The following TP53INP1 variants were observed in gnomAD, a reference collection of about 807,000 sequenced individuals.
TP53INP1 encodes tumor protein p53-inducible nuclear protein 1.
In TP53INP1, 12 loss-of-function variants were observed where a neutral mutation model predicts 21.0. The observed-to-expected ratio is 0.57, with a 90% CI of 0.37 to 0.93. The LOEUF (loss-of-function observed/expected upper bound fraction) is 0.93, where lower values mean the gene tolerates loss of function less well. Ranked by LOEUF, TP53INP1 falls within the 40% of genes least tolerant of loss-of-function variation. The pLI is 0.01. For synonymous variants in TP53INP1, 91 were observed against 94.8 expected (o/e 0.96, Z 0.23); for missense variants, 274 against 294.7 (o/e 0.93, Z 0.51).
In TP53INP1 at chr8:94,931,616, T is replaced by A. The variant is rs1224126400; in HGVS notation, c.474-888A>T. The stretch of plus-strand genomic sequence containing the variant: ...CACACACACACACACACACATAAAA[T>A]TTTTTTAAAGTAGAATTTTAAGAGG... On this transcript the variant is annotated intron_variant, in intron 3 of 3. Transcript: ENST00000342697. Among the ~76,000 whole-genome samples, 17 of 61,676 alleles carry A rather than the reference T, an allele frequency of 2.8e-4. No individual in the cohort carries two copies. In the East Asian group the frequency reaches 6.2e-3, roughly 22 times the overall value. 40.5% of individuals were successfully genotyped at this position (61,676 alleles called of 152,430 possible).
intron 3 of TP53INP1, among the ~76,000 whole-genome samples, chr8:94,935,070 A>G (rs1820819514): frequency 6.6e-6 from 1 of 152,138 alleles, no homozygotes; most frequent in Non-Finnish European, 1.5e-5. Flanking sequence ...GGGTTTGTTT[A>G]TATCTGGAAA....
At chr8:94,933,943 G>C (rs1489860166) in intron 3 of TP53INP1, among the ~76,000 whole-genome samples, 4 of 149,372 alleles carry the variant, frequency 2.7e-5, no homozygotes. Context: ...TAGTGGCGGT[G>C]GCACATGCCT....
At chr8:94,948,714 C>T (rs906122930) in intron 1 of TP53INP1, among the ~76,000 whole-genome samples, 10 of 152,118 alleles carry the variant, frequency 6.6e-5, no homozygotes, top group Non-Finnish European at 1.2e-4. Context: ...GACGCCGAGT[C>T]CCGAAGGGGC....
intron 3 of TP53INP1, among the ~76,000 whole-genome samples, chr8:94,937,895 G>C (rs978385977): frequency 6.6e-6 from 1 of 152,126 alleles, no homozygotes; most frequent in Admixed American, 6.6e-5. Flanking sequence ...TATCTGAATG[G>C]GAGTGGACTG....
chr8:94,948,122 T>C (rs950116903), intron 1 of TP53INP1, among the ~76,000 whole-genome samples: 2 of 152,196 alleles, frequency 1.3e-5, no homozygotes, highest in African/African-American at 4.8e-5. Context: ...GTAAAGAGGC[T>C]CTTCCTTAAT....
intron 3 of TP53INP1, chr8:94,932,233 C>CAT: frequency 1.1e-6 from 1 of 944,810 alleles, no homozygotes; most frequent in South Asian, 1.5e-5. Context: ...AAGGCACGTA[C>CAT]ATGTGCTTAA....
chr8:94,936,433 C>A (rs1820984869), intron 3 of TP53INP1, among the ~76,000 whole-genome samples: 1 of 152,180 alleles, frequency 6.6e-6, no homozygotes, highest in African/African-American at 2.4e-5. Flanking sequence ...TGACAAAGAG[C>A]TGCTTGGTTG....
intron 3 of TP53INP1, among the ~76,000 whole-genome samples, chr8:94,931,659 T>C (rs1460420828): frequency 6.6e-6 from 1 of 151,770 alleles, no homozygotes; most frequent in Non-Finnish European, 1.5e-5. Context: ...AAGAAACTAA[T>C]AGAAAAAAGT....
chr8:94,938,699 A>C (rs1316750105), intron 3 of TP53INP1, among the ~76,000 whole-genome samples: 4 of 152,174 alleles, frequency 2.6e-5, no homozygotes, highest in Non-Finnish European at 2.9e-5. Context: ...GAACATGTGG[A>C]GGTTCCCGGA....
chr8:94,947,208 ACTATGGGT>A (rs1366519691), intron 1 of TP53INP1, among the ~76,000 whole-genome samples: 2 of 151,994 alleles, frequency 1.3e-5, no homozygotes, highest in African/African-American at 4.8e-5. Flanking sequence ...CCCAGTCTCA[ACTATGGGT>A]CTACGAACTT....
Position 94,930,686 on chromosome 8 carries a change from A to G in TP53INP1, c.516T>C (p.Tyr172=), listed in dbSNP as rs1325232459. ...QNEMGQHIHC[Y]VAALAAHTTF... The stretch of plus-strand genomic sequence containing the variant: ...TTGTATGAGCAGCAAGAGCTGCAAC[A>G]TAACAATGAATATGCTGCCCCATTT... Residue 172 remains tyrosine (Y), a synonymous_variant, in exon 4 of 4, where the codon TAT becomes TAC. Transcript: ENST00000342697. 1.9e-6 allele frequency: 3 copies of G among 1,614,154 alleles called. No homozygotes were observed. Among genetic ancestry groups the G allele is most frequent in the Admixed American group, 1.7e-5 (1 of 60,010 alleles).
At chr8:94,935,111 G>A (rs1563725518) in intron 3 of TP53INP1, among the ~76,000 whole-genome samples, 2 of 141,234 alleles carry the variant, frequency 1.4e-5, no homozygotes, top group Non-Finnish European at 3.1e-5. Flanking sequence ...AGGTAGGTAG[G>A]TACATAGGTA....
intron 3 of TP53INP1, among the ~76,000 whole-genome samples, chr8:94,937,805 A>C (rs953480301): frequency 2.0e-5 from 3 of 152,142 alleles, no homozygotes; most frequent in African/African-American, 7.2e-5. Context: ...ATCTTGCAAA[A>C]CTGGAGCCAA....
Position 94,926,574 on chromosome 8 carries a change from A to G in TP53INP1, c.*3905T>C, listed in dbSNP as rs1819919661. On this transcript the variant is annotated 3_prime_UTR_variant, in exon 4 of 4. Coordinates refer to ENST00000342697, the MANE Select transcript of TP53INP1 (RefSeq NM_033285.4). ...GGTCCACCTAGAAAACAAATACTAA[A>G]ACTTCAGGCAAAACAGAGCAAAACT... 1 of 152,210 alleles carries G rather than the reference A, an allele frequency of 6.6e-6. No individual in the cohort carries two copies. The highest frequency in any genetic ancestry group is 1.5e-5 in the Non-Finnish European group (1 of 68,038). 9.4% of individuals were successfully genotyped at this position (152,210 alleles called of 1,614,324 possible). A position where few individuals can be genotyped will look rare whatever the true frequency, so the allele number is the denominator to read the frequency against.
intron 3 of TP53INP1, among the ~76,000 whole-genome samples, chr8:94,934,313 C>G (rs1364007851): frequency 6.6e-6 from 1 of 151,992 alleles, no homozygotes; most frequent in Non-Finnish European, 1.5e-5. Context: ...AAGCTGCTGA[C>G]TACACACACA....
chr8:94,929,436 A>G lies in TP53INP1; in HGVS notation c.*1043T>C, dbSNP rs1176495940. The G allele has an allele frequency of 1.3e-5, 2 of 152,088 alleles. No individual in the cohort carries two copies. The highest frequency in any genetic ancestry group is 2.9e-5 in the Non-Finnish European group (2 of 68,034). The allele number at this position is 152,088 out of a possible 1,614,324, so 9.4% of individuals were successfully genotyped here. ...AGGCAATTAAAAAAAAAAAAAGAAA[A>G]AAGTTGAGCCAACCTGTCACTCTTC... is the stretch of plus-strand genomic sequence containing the variant. On this transcript the variant is annotated 3_prime_UTR_variant, in exon 4 of 4. Coordinates refer to ENST00000342697, the MANE Select transcript of TP53INP1 (RefSeq NM_033285.4).
intron 3 of TP53INP1, among the ~76,000 whole-genome samples, chr8:94,934,392 T>A (rs1820761828): frequency 6.6e-6 from 1 of 151,648 alleles, no homozygotes. Flanking sequence ...AAATTCTATT[T>A]TTTTTTTTTT....
chr8:94,932,039 T>C (rs780386673), intron 3 of TP53INP1: 86 of 1,600,876 alleles, frequency 5.4e-5, no homozygotes, highest in Non-Finnish European at 6.9e-5. Flanking sequence ...TGCATACATA[T>C]ATCACACAGT....
At chr8:94,947,916 C>T (rs1444681083) in intron 1 of TP53INP1, among the ~76,000 whole-genome samples, 8 of 152,218 alleles carry the variant, frequency 5.3e-5, no homozygotes, top group Non-Finnish European at 1.0e-4. Context: ...TTAAAAGCTT[C>T]CCAGTGCTTT....
Sources: gnomAD v4.1 joint callset for allele counts (sites outside exome capture counted in the v4.1 genomes callset) on GRCh38, gnomAD v4.1.1 for gene constraint, MANE v1.5 for transcripts, NCBI Gene and HGNC (gene_info 2026-07-23, HGNC 2026-07-21) for gene names.